MAMDC4: variants seen among roughly 807,000 people sequenced by gnomAD.
The protein encoded by MAMDC4 is MAM domain containing 4, also known as apical endosomal glycoprotein.
Under a neutral mutation model 153.3 loss-of-function variants are expected in MAMDC4, and 168 were observed. The ratio of observed to expected loss-of-function variants is 1.10; its 90% CI spans 0.97 to 1.25. MAMDC4 has a LOEUF of 1.25. Ranked by LOEUF, MAMDC4 falls within the 50% of genes most tolerant of loss-of-function variation. MAMDC4 has a pLI of 0.00. For missense variants in MAMDC4, 1,701 were observed against 1,542.8 expected, an observed-to-expected ratio of 1.10 and a Z score of -1.72; for synonymous variants, 744 against 651.5, an observed-to-expected ratio of 1.14 and a Z score of -2.16.
chr9:136,857,066 G>A, intron 16 of MAMDC4, 25 bp downstream of exon 16: 1 of 1,605,858 alleles, frequency 6.2e-7, no homozygotes, highest in Non-Finnish European at 8.5e-7. Context: ...AAACAGGGCA[G>A]AGCCTGTGGG....
At position 136,855,466 on chromosome 9, in the gene MAMDC4, C is replaced by T. The variant is rs114078997; in HGVS notation, c.1318C>T (p.Arg440Trp). Residue 440 changes from arginine (R) to tryptophan (W), a missense_variant, in exon 12 of 27, where the codon CGG becomes TGG. Transcript: ENST00000317446. ...STLQPLPPGP[R>W]APAPQPLPPS... ...CCTGCAGCCGCTGCCTCCTGGGCCC[C>T]GGGCCCCAGCCCCCCAGCCCCTGCC... 885 of 1,607,554 alleles carry T rather than the reference C, an allele frequency of 5.5e-4. 7 individuals carry two copies. The African/African-American group carries it at 8.9e-3, about 16-fold the overall frequency.
chr9:136,853,543 A>G lies in MAMDC4; in HGVS notation c.329-2A>G. ...CGTCTCCTGACCTCTCACCTGCGCC[A>G]GGCTGGTACATGGCCGTTGGAACCC... On this transcript the variant is annotated splice_acceptor_variant, in intron 3 of 26. Transcript: ENST00000317446. LOFTEE classifies it high-confidence loss of function. 1.2e-6 allele frequency: 2 copies of G among 1,612,626 alleles called. No individual in the cohort carries two copies. Among genetic ancestry groups the G allele is most frequent in the African/African-American group, 2.7e-5 (2 of 75,030 alleles).
chr9:136,857,834 G>A (rs756505553), intron 19 of MAMDC4, 38 bp downstream of exon 19: 4 of 1,599,634 alleles, frequency 2.5e-6, no homozygotes, highest in South Asian at 2.2e-5. Context: ...TGGGCTCAGG[G>A]AAGCTTGGCC....
intron 21 of MAMDC4, 21 bp downstream of exon 21, chr9:136,858,297 T>C (rs770144717): frequency 6.2e-7 from 1 of 1,600,844 alleles, no homozygotes; most frequent in South Asian, 1.1e-5. Context: ...TGCCGTGGCC[T>C]CGGCCCTGCT....
chr9:136,854,901 C>A (rs1481168428), intron 9 of MAMDC4, 36 bp from the exon 10 acceptor site: 1 of 1,612,516 alleles, frequency 6.2e-7, no homozygotes, highest in South Asian at 1.1e-5. Context: ...GCTGGCTGCC[C>A]CGGTGCAGGC....
In MAMDC4 at chr9:136,857,780, G is replaced by A. The variant is rs1265726701; in HGVS notation, c.2448G>A (p.Gly816=). The A allele has an allele frequency of 2.5e-6, 4 of 1,612,346 alleles. No individual in the cohort carries two copies. The highest frequency in any genetic ancestry group is 2.2e-5 in the South Asian group (2 of 91,058). ...CTTGTCTGACCTTCTGGTACCACGG[G>A]AGCCTCCGCAGCCCAGGTGAGGGGC... ...QPACLTFWYH[G]SLRSPGTLRV... The change falls in exon 19 of 27, where the codon GGG becomes GGA. Residue 816 remains glycine (G), a synonymous_variant. Coordinates refer to ENST00000317446, the MANE Select transcript of MAMDC4 (RefSeq NM_206920.3).
At position 136,854,864 on chromosome 9, in the gene MAMDC4, G is replaced by A. The variant is rs375996314; in HGVS notation, c.1023+14G>A. 1.9e-6 allele frequency: 3 copies of A among 1,612,648 alleles called. No individual in the cohort carries two copies. Among genetic ancestry groups the A allele is most frequent in the Non-Finnish European group, 8.5e-7 (1 of 1,179,836 alleles). ...TCCAACTGCTCGGTGAGATGGGTGG[G>A]GCTCACAGGGCCTCCCTGCTCTCCG... On this transcript the variant is annotated intron_variant, in intron 9 of 26. Coordinates refer to ENST00000317446, the MANE Select transcript of MAMDC4 (RefSeq NM_206920.3).
At chr9:136,860,533 A>G (rs1454205796) in intron 26 of MAMDC4, 29 bp from the exon 27 acceptor site, 11 of 1,591,882 alleles carry the variant, frequency 6.9e-6, no homozygotes, top group Non-Finnish European at 8.5e-6. Context: ...GGAAAGAAAG[A>G]AAAAAAAAGC....
Position 136,857,393 on chromosome 9 carries a change from A to G in MAMDC4, c.2133A>G (p.Gly711=), listed in dbSNP as rs149723593. 1.2e-4 allele frequency: 195 copies of G among 1,608,190 alleles called. No individual in the cohort carries two copies. In the African/African-American group the frequency reaches 2.2e-3, roughly 18 times the overall value. ...YQLLFEGLRD[G]YHGTMALDDV... ...TGCTGTTCGAGGGCCTCCGGGACGG[A>G]TACCACGGCACCATGGCGCTGGACG... Residue 711 remains glycine (G), a synonymous_variant, in exon 18 of 27, where the codon GGA becomes GGG. Coordinates refer to ENST00000317446, the MANE Select transcript of MAMDC4 (RefSeq NM_206920.3).
At chr9:136,860,419 G>A (rs747897249) in intron 26 of MAMDC4, 143 bp from the exon 27 acceptor site, 72 of 874,118 alleles carry the variant, frequency 8.2e-5, no homozygotes, top group Non-Finnish European at 1.2e-4. Flanking sequence ...TACTCGGGAG[G>A]CTGAGGCAGG....
chr9:136,858,630 C>T, intron 22 of MAMDC4, 84 bp downstream of exon 22: 1 of 1,594,024 alleles, frequency 6.3e-7, no homozygotes, highest in Non-Finnish European at 8.5e-7. Context: ...ATGCCCCATC[C>T]AGAGGAGGCC....
rs751217448 is a variant in MAMDC4 at position 136,854,030 on chromosome 9, C to T, written c.624C>T (p.Gly208=). The T allele has an allele frequency of 1.2e-5, 19 of 1,612,764 alleles. No individual in the cohort carries two copies. The South Asian group carries it at 1.3e-4, about 11-fold the overall frequency. The change falls in exon 6 of 27, where the codon GGC becomes GGT. Residue 208 remains glycine, a synonymous_variant. Transcript: ENST00000317446. Reference sequence around the variant, plus strand: ...CCACCCGAAATGCCACCCACAGGGGCGCTGTGGCTCTAGATGACCTAGAGT... The same window carrying T: ...CCACCCGAAATGCCACCCACAGGGGTGCTGTGGCTCTAGATGACCTAGAGT... ...FSATRNATHR[G]AVALDDLEFW... is the part of the protein sequence containing the mutation.
chr9:136,854,104 C>T, intron 6 of MAMDC4, 28 bp downstream of exon 6: 1 of 1,611,784 alleles, frequency 6.2e-7, no homozygotes, highest in South Asian at 1.1e-5. Flanking sequence ...CCTGTTCCAC[C>T]CCCGGGAGGG....
chr9:136,859,809 A>T, intron 25 of MAMDC4, 77 bp from the exon 26 acceptor site: 3 of 1,502,670 alleles, frequency 2.0e-6, no homozygotes, highest in Non-Finnish European at 2.7e-6. Flanking sequence ...CTGAGGGACC[A>T]TGCAGCCCCA....
rs1428252977 is a variant in MAMDC4 at position 136,859,983 on chromosome 9, G to A, written c.3291G>A (p.Trp1097Ter). 1 of 1,612,628 alleles carries A rather than the reference G, an allele frequency of 6.2e-7. No individual in the cohort carries two copies. Among genetic ancestry groups the A allele is most frequent in the East Asian group, 2.2e-5 (1 of 44,896 alleles). ...LVLLGLGGRR[W>*]LQKKGSCPFQ... ...TGCTGGGACTTGGGGGACGGCGCTG[G>A]CTGCAGAAGAAGGGGAGCTGCCCCT... The change falls in exon 26 of 27, where the codon TGG becomes TGA. Residue 1097 changes from tryptophan (W) to a stop codon, truncating the protein, a stop_gained. Coordinates refer to ENST00000317446, the MANE Select transcript of MAMDC4 (RefSeq NM_206920.3). LOFTEE classifies it high-confidence loss of function.
At chr9:136,854,463 GC>G in intron 7 of MAMDC4, 75 bp from the exon 8 acceptor site, 5 of 1,530,494 alleles carry the variant, frequency 3.3e-6, no homozygotes, top group Non-Finnish European at 2.6e-6. Flanking sequence ...GGTTGCCAGG[GC>G]CCCCCTGGAG....
Position 136,853,636 on chromosome 9 carries a change from C to T in MAMDC4, c.420C>T (p.Cys140=), listed in dbSNP as rs761843616. ...SPTLREAASS[C]KLRLWYHAAS... is the part of the protein sequence containing the mutation. ...CCCTGCGAGAGGCAGCCTCCTCTTG[C>T]AAGCTGAGGCTCTGGTACCACGCGG... Residue 140 remains cysteine, a synonymous_variant, in exon 4 of 27, where the codon TGC becomes TGT. Coordinates refer to ENST00000317446, the MANE Select transcript of MAMDC4 (RefSeq NM_206920.3). The T allele has an allele frequency of 6.3e-7, 1 of 1,599,966 alleles. No individual in the cohort carries two copies. Among genetic ancestry groups the T allele is most frequent in the Admixed American group, 1.7e-5 (1 of 59,514 alleles).
At position 136,860,268 on chromosome 9, in the gene MAMDC4, C is replaced by G. The variant is rs140507194; in HGVS notation, c.3372+204C>G. ...GGCGCGGTGGCTCACACCTGTAATC[C>G]CAGCACTTTGGGAGATTGAGGTGGG... On this transcript the variant is annotated intron_variant, in intron 26 of 26. Coordinates refer to ENST00000317446, the MANE Select transcript of MAMDC4 (RefSeq NM_206920.3). Among the ~76,000 whole-genome samples the G allele has an allele frequency of 8.6e-3, 1,309 of 152,270 alleles. 25 individuals carry two copies. The highest frequency in any genetic ancestry group is 0.03 in the African/African-American group (1,251 of 41,542).
rs779191565 is a variant in MAMDC4 at position 136,856,767 on chromosome 9, A to G, written c.1778A>G (p.Asp593Gly). ...AGCTGGTACCCAGGCCACCTCTCAGACACACACTGGCGCTGGGTGGAGAGC... is the reference window on the plus strand; with the variant it reads ...AGCTGGTACCCAGGCCACCTCTCAGGCACACACTGGCGCTGGGTGGAGAGC... ...TCSWYPGHLS[D>G]THWRWVESRG... The change falls in exon 15 of 27, where the codon GAC becomes GGC. Residue 593 changes from aspartate (D) to glycine (G), a missense_variant. Physicochemically the swap from Asp to Gly is moderately conservative, Grantham distance 94. Transcript: ENST00000317446. 2 of 1,612,136 alleles carry G rather than the reference A, an allele frequency of 1.2e-6. No individual in the cohort carries two copies. The highest frequency in any genetic ancestry group is 2.7e-5 in the African/African-American group (2 of 74,910).
Sources: allele counts gnomAD v4.1 joint callset (sites outside exome capture counted in the v4.1 genomes callset), GRCh38; gene constraint gnomAD v4.1.1; transcripts MANE v1.5; gene names NCBI Gene and HGNC (gene_info 2026-07-23, HGNC 2026-07-21).